PTPRF: variants seen among roughly 807,000 people sequenced by gnomAD.
The protein encoded by PTPRF is protein tyrosine phosphatase receptor type F, also known as receptor-type tyrosine-protein phosphatase F.
A neutral mutation model predicts 201.8 loss-of-function variants in PTPRF; 59 were observed. The ratio of observed to expected loss-of-function variants is 0.29; its 90% CI spans 0.24 to 0.36. The LOEUF is 0.36. Among genes scored for constraint, PTPRF ranks in the 10% least tolerant of loss-of-function variants. The pLI is 1.00. For synonymous variants in PTPRF, 1,088 were observed against 1,089.7 expected (o/e 1.00, Z 0.03); for missense variants, 2,132 against 2,690.5 (o/e 0.79, Z 4.59).
intron 11 of PTPRF, among the ~76,000 whole-genome samples, chr1:43,592,811 C>T (rs1651186098): frequency 6.6e-6 from 1 of 152,114 alleles, no homozygotes; most frequent in African/African-American, 2.4e-5. Flanking sequence ...GCTGCCCTCC[C>T]TGCTCCCTGC....
At chr1:43,543,644 G>A (rs953786582) in intron 2 of PTPRF, among the ~76,000 whole-genome samples, 15 of 152,168 alleles carry the variant, frequency 9.9e-5, no homozygotes, top group African/African-American at 3.1e-4. Flanking sequence ...TATCTCAGTT[G>A]AGACAAGGGT....
chr1:43,536,786 C>T (rs866816460), intron 1 of PTPRF, among the ~76,000 whole-genome samples: 1 of 152,090 alleles, frequency 6.6e-6, no homozygotes, highest in African/African-American at 2.4e-5. Context: ...GAGAGGGCTG[C>T]GGGTTCTGGT....
chr1:43,618,538 G>A, intron 25 of PTPRF, 92 bp from the exon 26 acceptor site: 1 of 1,478,804 alleles, frequency 6.8e-7, no homozygotes, highest in South Asian at 1.3e-5. Flanking sequence ...AGCCAGAAAG[G>A]CTACAGCCAG....
chr1:43,549,648 A>G (rs1050837252), intron 3 of PTPRF, among the ~76,000 whole-genome samples: 1 of 152,174 alleles, frequency 6.6e-6, no homozygotes, highest in Non-Finnish European at 1.5e-5. Flanking sequence ...AGAGCTCAGG[A>G]GTTTGAGACC....
At chr1:43,605,067 T>G in intron 17 of PTPRF, 67 bp downstream of exon 17, 3 of 1,589,556 alleles carry the variant, frequency 1.9e-6, no homozygotes, top group Non-Finnish European at 2.6e-6. Flanking sequence ...GTCTTTCCAG[T>G]CCTAACCCAT....
At chr1:43,523,675 T>C (rs1292679836), upstream of PTPRF, among the ~76,000 whole-genome samples, 2 of 152,072 alleles carry the variant, frequency 1.3e-5, no homozygotes, top group Non-Finnish European at 2.9e-5. Flanking sequence ...GGGGCAGAGA[T>C]AGTAAAAGCC....
At chr1:43,531,646 C>T (rs1242374706) in intron 1 of PTPRF, among the ~76,000 whole-genome samples, 1 of 150,382 alleles carries the variant, frequency 6.6e-6, no homozygotes, top group African/African-American at 2.4e-5. Flanking sequence ...CGGTCCCGGG[C>T]TGCGCCGGGC....
At position 43,592,493 on chromosome 1, in the gene PTPRF, C is replaced by G. The variant is rs201453872; in HGVS notation, c.1705C>G (p.Leu569Val). The G allele has an allele frequency of 1.2e-6, 2 of 1,613,184 alleles. No homozygotes were observed. The highest frequency in any genetic ancestry group is 2.7e-5 in the African/African-American group (2 of 75,004). Residue 569 changes from leucine to valine, a missense_variant, in exon 11 of 34, where the codon CTA becomes GTA. Around this residue, in one of 6 missense-constraint regions of PTPRF, gnomAD observed 351 missense variants for 401.7 expected, o/e 0.87. Coordinates refer to ENST00000359947, the MANE Select transcript of PTPRF (RefSeq NM_002840.5). Reference protein sequence around the residue: ...VTFDPTSSYTLEDLKPDTLYR... With the variant: ...VTFDPTSSYTVEDLKPDTLYR... Reference sequence around the variant, plus strand: ...CTTCGACCCAACCTCCTCCTACACACTAGAGGACCTGAAGCCTGACACACT... The same window carrying G: ...CTTCGACCCAACCTCCTCCTACACAGTAGAGGACCTGAAGCCTGACACACT...
At chr1:43,543,627 C>G (rs1644484294) in intron 2 of PTPRF, among the ~76,000 whole-genome samples, 1 of 152,206 alleles carries the variant, frequency 6.6e-6, no homozygotes, top group African/African-American at 2.4e-5. Context: ...ACCTCATGAA[C>G]TTTGATTATC....
rs1644700946 is a variant in PTPRF, at chr1:43,546,748, G to C, written c.91+1582G>C. Among the ~76,000 whole-genome samples the C allele has an allele frequency of 6.6e-6, 1 of 152,056 alleles. No individual in the cohort carries two copies. The highest frequency in any genetic ancestry group is 1.9e-4 in the East Asian group (1 of 5,186). On this transcript the variant is annotated intron_variant, in intron 3 of 33. Transcript: ENST00000359947. The surrounding 1 kb of genome is among the most constrained non-coding windows in gnomAD (Gnocchi z 4.2). ...CCTCACTCTCATCCCCCAGCCTGCT[G>C]TCTTCCCGTGTTCTCTCCCGTGAAA...
At chr1:43,559,981 CCAG>C (rs1420566467) in intron 5 of PTPRF, among the ~76,000 whole-genome samples, 1 of 133,166 alleles carries the variant, frequency 7.5e-6, no homozygotes, top group East Asian at 2.3e-4. Flanking sequence ...GTGTGTGTGT[CCAG>C]CAGGTGGTGT....
intron 21 of PTPRF, 54 bp downstream of exon 21, chr1:43,607,022 G>A: frequency 6.3e-7 from 1 of 1,594,326 alleles, no homozygotes. Flanking sequence ...CGCCTTTCAG[G>A]CCCTCTCCGG....
In PTPRF at chr1:43,567,186, G is replaced by GGAT. The variant is rs1646244058; in HGVS notation, c.380-2402_380-2400dup. ...AGACTGGTGCTCTGGAGGGCACCCA[G>GGAT]GATGGCCCTAGCAGCCCCGAGTGTC... On this transcript the variant is annotated intron_variant, in intron 5 of 33. Transcript: ENST00000359947. 2.0e-5 allele frequency among the ~76,000 whole-genome samples: 3 copies of GGAT among 152,112 alleles called. 1 individual carries two copies. The South Asian group carries it at 6.2e-4, about 32-fold the overall frequency.
intron 21 of PTPRF, 65 bp from the exon 22 acceptor site, chr1:43,609,318 A>G: frequency 2.2e-6 from 3 of 1,344,866 alleles, no homozygotes; most frequent in Non-Finnish European, 3.2e-6. Context: ...GCAGCCAGCC[A>G]TGCCATGTGT....
intron 7 of PTPRF, among the ~76,000 whole-genome samples, chr1:43,585,908 C>T (rs1460617207): frequency 1.3e-5 from 2 of 152,194 alleles, no homozygotes; most frequent in Non-Finnish European, 2.9e-5. Flanking sequence ...CAATCATGAC[C>T]TCTCCCTGGC....
At chr1:43,530,879 G>GAGCGGCGGGAGCGGT (rs1437077502), upstream of PTPRF, 3 of 151,654 alleles carry the variant, frequency 2.0e-5, no homozygotes, top group African/African-American at 7.3e-5. This position sits in a 1 kb window ranked among gnomAD's most constrained non-coding sequence, Gnocchi z 4.1. Context: ...GCTGGCGCGG[G>GAGCGGCGGGAGCGGT]AGCGGCGGGA....
chr1:43,553,455 CTG>C lies in PTPRF; in HGVS notation c.92-34_92-33del, dbSNP rs1422903707. ...TCCTCACTGGCCATTCCTATAGTGA[CTG>C]TGCTGTGGTGACTTGGTGTCTCCAT... is the stretch of plus-strand genomic sequence containing the variant. On this transcript the variant is annotated intron_variant, in intron 3 of 33. Coordinates refer to ENST00000359947, the MANE Select transcript of PTPRF (RefSeq NM_002840.5). The surrounding 1 kb of genome is among the most constrained non-coding windows in gnomAD (Gnocchi z 4.1). 6.2e-7 allele frequency: 1 copy of C among 1,601,174 alleles called. No individual in the cohort carries two copies. Among genetic ancestry groups the C allele is most frequent in the Non-Finnish European group, 8.5e-7 (1 of 1,170,764 alleles).
At chr1:43,590,695 G>T (rs888653256) in intron 8 of PTPRF, among the ~76,000 whole-genome samples, 2 of 152,226 alleles carry the variant, frequency 1.3e-5, no homozygotes, top group Non-Finnish European at 2.9e-5. Flanking sequence ...GATGAGTCTG[G>T]TGTGCTGATG....
chr1:43,603,402 T>G lies in PTPRF; in HGVS notation c.2341-14T>G, dbSNP rs912802030. The G allele has an allele frequency of 1.2e-6, 2 of 1,609,812 alleles. No homozygotes were observed. Among genetic ancestry groups the G allele is most frequent in the Non-Finnish European group, 1.7e-6 (2 of 1,176,302 alleles). On this transcript the variant is annotated splice_polypyrimidine_tract_variant and intron_variant, in intron 14 of 33. Coordinates refer to ENST00000359947, the MANE Select transcript of PTPRF (RefSeq NM_002840.5). This position sits in a 1 kb window ranked among gnomAD's most constrained non-coding sequence, Gnocchi z 5.8. ...CATTCTTGTGATGGGAACGAACCCCTCCTCCTCCCTCAGGAAACCACTATC... is the reference window on the plus strand; with the variant it reads ...CATTCTTGTGATGGGAACGAACCCCGCCTCCTCCCTCAGGAAACCACTATC...
Sources: gnomAD v4.1 joint callset for allele counts (sites outside exome capture counted in the v4.1 genomes callset) on GRCh38, gnomAD v4.1.1 for gene constraint, gnomAD v4.1.1 regional missense constraint, Gnocchi (gnomAD v3.1) non-coding constraint, MANE v1.5 for transcripts, NCBI Gene and HGNC (gene_info 2026-07-23, HGNC 2026-07-21) for gene names.